Variants in NIPAL2 observed in about 807,000 individuals in gnomAD.
NIPAL2 encodes NIPA-like protein 2.
In NIPAL2, 43 loss-of-function variants were observed where a neutral mutation model predicts 48.9. That is an observed-to-expected ratio of 0.88 (90% CI 0.69 to 1.13). NIPAL2 has a LOEUF of 1.13. NIPAL2 is among the 50% of genes most tolerant of loss of function. The pLI is 0.00. For missense variants in NIPAL2, 446 were observed against 461.4 expected (o/e 0.97, Z 0.31); for synonymous variants, 167 against 174.6 (o/e 0.96, Z 0.34).
chr8:98,264,849 C>A (rs995017256), intron 1 of NIPAL2, among the ~76,000 whole-genome samples: 5 of 152,048 alleles, frequency 3.3e-5, no homozygotes, highest in Non-Finnish European at 7.4e-5. Context: ...AAGAACAAAG[C>A]TGGAGGCATC....
intron 4 of NIPAL2, among the ~76,000 whole-genome samples, chr8:98,230,383 A>T (rs577095654): frequency 6.6e-6 from 1 of 152,340 alleles, no homozygotes; most frequent in South Asian, 2.1e-4. Context: ...AACCAGTTTC[A>T]TAAGGTAGAT....
chr8:98,274,379 T>C (rs1815339277), intron 1 of NIPAL2, among the ~76,000 whole-genome samples: 1 of 152,006 alleles, frequency 6.6e-6, no homozygotes, highest in Admixed American at 6.6e-5. Flanking sequence ...TGTCTATCAG[T>C]TGCCAAGTGA....
intron 1 of NIPAL2, among the ~76,000 whole-genome samples, chr8:98,282,793 TCC>T (rs1815920657): frequency 6.6e-6 from 1 of 152,218 alleles, no homozygotes; most frequent in Non-Finnish European, 1.5e-5. Context: ...ACCACTAATC[TCC>T]TTTGTTCTTG....
intron 1 of NIPAL2, among the ~76,000 whole-genome samples, chr8:98,269,948 G>A (rs1815024648): frequency 6.6e-6 from 1 of 152,084 alleles, no homozygotes; most frequent in African/African-American, 2.4e-5. Context: ...TTGGTTTTCT[G>A]TTTCTGTGTT....
intron 6 of NIPAL2, among the ~76,000 whole-genome samples, chr8:98,209,401 G>A (rs113854350): frequency 0.014 from 1,970 of 136,746 alleles, 45 homozygotes; most frequent in African/African-American, 0.049. Flanking sequence ...TTGAGCCTAG[G>A]AGTTTGCAAC....
intron 5 of NIPAL2, chr8:98,217,312 A>G (rs1052371142): frequency 7.1e-6 from 7 of 982,312 alleles, no homozygotes; most frequent in Non-Finnish European, 8.4e-6. Context: ...ACACAAGACA[A>G]GGGGTTGATG....
At chr8:98,193,229 A>G (rs1348082541) in intron 10 of NIPAL2, 139 bp from the exon 11 acceptor site, 4 of 1,058,194 alleles carry the variant, frequency 3.8e-6, no homozygotes, top group Non-Finnish European at 5.8e-6. Context: ...AGAGATGAAT[A>G]TCAAGGAAGA....
chr8:98,224,663 A>G (rs1259442778), intron 4 of NIPAL2, among the ~76,000 whole-genome samples: 1 of 151,396 alleles, frequency 6.6e-6, no homozygotes, highest in African/African-American at 2.4e-5. Context: ...GGAGGTGTAT[A>G]TATTTACAGG....
Position 98,192,232 on chromosome 8 carries a change from T to C in NIPAL2, c.*746A>G, listed in dbSNP as rs72680653. The C allele has an allele frequency of 2.6e-5, 4 of 152,330 alleles. No individual in the cohort carries two copies. Among genetic ancestry groups the C allele is most frequent in the Non-Finnish European group, 5.9e-5 (4 of 68,018 alleles). 9.4% of individuals were successfully genotyped at this position (152,330 alleles called of 1,614,324 possible). ...TTGTCTCTAACGCTTCATGAATTTA[T>C]GTGTCAGCCTTGTGCAGGGGCTGTG... On this transcript the variant is annotated 3_prime_UTR_variant, in exon 11 of 11. Coordinates refer to ENST00000430223, the MANE Select transcript of NIPAL2 (RefSeq NM_001321635.2).
chr8:98,259,336 A>C (rs940672361), intron 1 of NIPAL2, among the ~76,000 whole-genome samples: 2 of 151,788 alleles, frequency 1.3e-5, no homozygotes, highest in African/African-American at 4.8e-5. Context: ...CGGCCTCCCA[A>C]AGTGCTGGGA....
chr8:98,259,012 A>G (rs999557863), intron 1 of NIPAL2, among the ~76,000 whole-genome samples: 1 of 151,916 alleles, frequency 6.6e-6, no homozygotes, highest in South Asian at 2.1e-4. Flanking sequence ...GCCACAAAAT[A>G]AAAAAATACA....
intron 4 of NIPAL2, among the ~76,000 whole-genome samples, chr8:98,226,625 T>C (rs55975205): frequency 0.069 from 10,441 of 152,180 alleles, 473 homozygotes; most frequent in East Asian, 0.1. Context: ...TCTCTCTCTG[T>C]CCTGAATTGC....
At chr8:98,233,793 G>A (rs1221174490) in intron 4 of NIPAL2, among the ~76,000 whole-genome samples, 1 of 152,158 alleles carries the variant, frequency 6.6e-6, no homozygotes, top group African/African-American at 2.4e-5. Context: ...AAGCCTTACA[G>A]GCAGGAGTTA....
intron 1 of NIPAL2, among the ~76,000 whole-genome samples, chr8:98,259,203 T>A (rs887002803): frequency 6.7e-6 from 1 of 148,678 alleles, no homozygotes; most frequent in African/African-American, 2.5e-5. Context: ...CAGCCTCCCG[T>A]GTAGCTGGGA....
intron 1 of NIPAL2, among the ~76,000 whole-genome samples, chr8:98,262,152 C>A (rs1345046435): frequency 6.8e-6 from 1 of 147,154 alleles, no homozygotes; most frequent in Non-Finnish European, 1.5e-5. Context: ...AAGGAACAAC[C>A]GGTACCAGCC....
intron 7 of NIPAL2, among the ~76,000 whole-genome samples, chr8:98,204,369 T>A (rs1024260862): frequency 5.9e-5 from 9 of 152,168 alleles, no homozygotes; most frequent in South Asian, 2.1e-4. Flanking sequence ...ACTCTTGTAC[T>A]GATTTTGAGC....
intron 1 of NIPAL2, among the ~76,000 whole-genome samples, chr8:98,265,754 C>A (rs1244151539): frequency 2.9e-5 from 4 of 136,744 alleles, no homozygotes; most frequent in Non-Finnish European, 6.3e-5. Flanking sequence ...ACTGGAAATA[C>A]CATTTGACCC....
chr8:98,289,807 C>T (rs1816396774), intron 1 of NIPAL2, among the ~76,000 whole-genome samples: 1 of 152,194 alleles, frequency 6.6e-6, no homozygotes, highest in Non-Finnish European at 1.5e-5. Flanking sequence ...CAAGCAACCT[C>T]TACTCAGCCC....
chr8:98,260,732 A>G (rs1814262774), intron 1 of NIPAL2, among the ~76,000 whole-genome samples: 1 of 152,256 alleles, frequency 6.6e-6, no homozygotes, highest in Admixed American at 6.5e-5. Flanking sequence ...AGGCTTGATT[A>G]GGTAAACAAA....
Sources: gnomAD v4.1 joint callset for allele counts (sites outside exome capture counted in the v4.1 genomes callset) on GRCh38, gnomAD v4.1.1 for gene constraint, MANE v1.5 for transcripts, NCBI Gene and HGNC (gene_info 2026-07-23, HGNC 2026-07-21) for gene names.